ECT2L: variants seen among roughly 807,000 people sequenced by gnomAD.
ECT2L encodes the protein epithelial cell transforming 2 like.
In ECT2L, 126 loss-of-function variants were observed where a neutral mutation model predicts 122.8. The observed-to-expected ratio is 1.03, with a 90% CI of 0.89 to 1.19. The LOEUF is 1.19. Among genes scored for constraint, ECT2L ranks in the 50% most tolerant of loss-of-function variants. The pLI is 0.00. For synonymous variants in ECT2L, 385 were observed against 381.8 expected, an observed-to-expected ratio of 1.01 and a Z score of -0.10; for missense variants, 1,012 against 1,064.1, an observed-to-expected ratio of 0.95 and a Z score of 0.68.
At chr6:138,808,058 GCA>G (rs149490489) in intron 1 of ECT2L, among the ~76,000 whole-genome samples, 1 of 150,328 alleles carries the variant, frequency 6.7e-6, no homozygotes. Context: ...ACACAGCCAT[GCA>G]CACACACACA....
At chr6:138,830,949 T>C (rs976861380) in intron 4 of ECT2L, among the ~76,000 whole-genome samples, 1 of 152,238 alleles carries the variant, frequency 6.6e-6, no homozygotes, top group East Asian at 1.9e-4. Context: ...CCTAATTATA[T>C]ATCCAGCTGC....
intron 1 of ECT2L, among the ~76,000 whole-genome samples, chr6:138,805,676 G>T (rs1330436894): frequency 6.6e-6 from 1 of 152,040 alleles, no homozygotes; most frequent in Non-Finnish European, 1.5e-5. Flanking sequence ...AAACAGCTGG[G>T]GGCTGGCTCA....
chr6:138,811,416 T>C (rs1189648628), intron 1 of ECT2L, among the ~76,000 whole-genome samples: 1 of 152,238 alleles, frequency 6.6e-6, no homozygotes, highest in Non-Finnish European at 1.5e-5. Flanking sequence ...GTACTGGTTA[T>C]GAACTGAGAT....
At chr6:138,894,614 G>T (rs930212130) in intron 20 of ECT2L, among the ~76,000 whole-genome samples, 3 of 152,152 alleles carry the variant, frequency 2.0e-5, no homozygotes, top group Non-Finnish European at 2.9e-5. Context: ...ATCCATGCTT[G>T]CCTAGGGCAA....
rs1778841823 is a variant in ECT2L, at chr6:138,886,892, A to G, written c.2295A>G (p.Ser765=). ...ACATCACTATGAAGGATCATCTGTC[A>G]GATATACAGAGAATCATCTGGGGAT... ...KQNITMKDHL[S]DIQRIIWGCP... Residue 765 remains serine, a synonymous_variant, in exon 19 of 22, where the codon TCA becomes TCG. Coordinates refer to ENST00000541398, the MANE Select transcript of ECT2L (RefSeq NM_001077706.3). 1 of 1,613,516 alleles carries G rather than the reference A, an allele frequency of 6.2e-7. No individual in the cohort carries two copies. The highest frequency in any genetic ancestry group is 1.3e-5 in the African/African-American group (1 of 74,918).
At chr6:138,799,094 G>T (rs1345476822) in intron 1 of ECT2L, among the ~76,000 whole-genome samples, 1 of 152,162 alleles carries the variant, frequency 6.6e-6, no homozygotes, top group African/African-American at 2.4e-5. Flanking sequence ...TTCACGAATC[G>T]TCCATTGCTC....
intron 4 of ECT2L, 49 bp from the exon 5 acceptor site, chr6:138,838,303 G>A: frequency 6.8e-7 from 1 of 1,475,690 alleles, no homozygotes; most frequent in South Asian, 1.4e-5. Context: ...TGACTTTTTA[G>A]TAAATTTTAG....
rs774813249 is a variant in ECT2L at position 138,876,570 on chromosome 6, T to C, written c.1665+12T>C. 1.2e-5 allele frequency: 18 copies of C among 1,563,512 alleles called. No individual in the cohort carries two copies. The highest frequency in any genetic ancestry group is 1.7e-5 in the Admixed American group (1 of 58,044). ...CACTGATTAATCTGGTAAGCTATTA[T>C]ATAATGTAACTTTACCATTGGTTTT... is the stretch of plus-strand genomic sequence containing the variant. On this transcript the variant is annotated intron_variant, in intron 14 of 21. Coordinates refer to ENST00000541398, the MANE Select transcript of ECT2L (RefSeq NM_001077706.3).
At chr6:138,859,607 T>A (rs9495273) in intron 10 of ECT2L, among the ~76,000 whole-genome samples, 8,638 of 152,252 alleles carry the variant, frequency 0.057, 840 homozygotes, top group African/African-American at 0.19. Flanking sequence ...ATTGCAGTTT[T>A]AATTTGCATT....
chr6:138,834,406 T>C (rs1344417430), intron 4 of ECT2L, among the ~76,000 whole-genome samples: 1 of 152,210 alleles, frequency 6.6e-6, no homozygotes, highest in African/African-American at 2.4e-5. Context: ...CGTGTCCTTG[T>C]AGCAGCATAG....
intron 8 of ECT2L, among the ~76,000 whole-genome samples, chr6:138,847,300 G>T (rs1040791752): frequency 6.8e-5 from 9 of 132,104 alleles, no homozygotes; most frequent in Admixed American, 4.7e-4. Context: ...AACCCCAGAA[G>T]CAATAAAGGT....
rs559530134 is a variant in ECT2L at position 138,827,965 on chromosome 6, C to T, written c.180-10387C>T. Among the ~76,000 whole-genome samples the T allele has an allele frequency of 1.7e-3, 263 of 151,196 alleles. 1 individual carries two copies. Among genetic ancestry groups the T allele is most frequent in the African/African-American group, 6.0e-3 (247 of 41,176 alleles). Reference sequence around the variant, plus strand: ...CTATTTTTTTTTTATACTTTAAGTTCTAGGGTACATGTGCACAACGTGCAG... The same window carrying T: ...CTATTTTTTTTTTATACTTTAAGTTTTAGGGTACATGTGCACAACGTGCAG... On this transcript the variant is annotated intron_variant, in intron 4 of 21. Coordinates refer to ENST00000541398, the MANE Select transcript of ECT2L (RefSeq NM_001077706.3).
chr6:138,878,330 CACATACATAT>C (rs1316269093), intron 14 of ECT2L, among the ~76,000 whole-genome samples: 2 of 151,386 alleles, frequency 1.3e-5, no homozygotes, highest in Non-Finnish European at 2.9e-5. Flanking sequence ...CACACACACA[CACATACATAT>C]ATACATATAT....
chr6:138,859,978 A>G (rs911358774), intron 10 of ECT2L, among the ~76,000 whole-genome samples: 1 of 151,890 alleles, frequency 6.6e-6, no homozygotes, highest in African/African-American at 2.4e-5. Context: ...GCCCGCCACC[A>G]TGCCCGGCTA....
At chr6:138,886,745 A>G in intron 18 of ECT2L, 112 bp from the exon 19 acceptor site, 1 of 776,752 alleles carries the variant, frequency 1.3e-6, no homozygotes, top group South Asian at 1.6e-5. Flanking sequence ...CTATTATAAC[A>G]TATGAAAATA....
intron 14 of ECT2L, among the ~76,000 whole-genome samples, chr6:138,879,931 A>T (rs1188860): frequency 2.0e-5 from 3 of 151,704 alleles, no homozygotes; most frequent in African/African-American, 7.3e-5. Context: ...CCAGCCTGGA[A>T]AAGAGAGTAA....
chr6:138,839,364 CTTTT>C (rs11325945), intron 5 of ECT2L, among the ~76,000 whole-genome samples: 1 of 147,614 alleles, frequency 6.8e-6, no homozygotes, highest in African/African-American at 2.5e-5. Context: ...TAAACACATA[CTTTT>C]TTTTTTTTTT....
chr6:138,853,924 G>C, intron 9 of ECT2L, 102 bp from the exon 10 acceptor site: 1 of 1,343,518 alleles, frequency 7.4e-7, no homozygotes, highest in East Asian at 2.3e-5. Flanking sequence ...CTTGCAGGCA[G>C]ATGGCATTTT....
intron 4 of ECT2L, among the ~76,000 whole-genome samples, chr6:138,831,874 G>C (rs1776658971): frequency 2.0e-5 from 3 of 152,112 alleles, no homozygotes; most frequent in Non-Finnish European, 4.4e-5. Flanking sequence ...TTTGAGAAGA[G>C]ATATTCAAAT....
Sources: gnomAD v4.1 joint callset for allele counts (sites outside exome capture counted in the v4.1 genomes callset) on GRCh38, gnomAD v4.1.1 for gene constraint, MANE v1.5 for transcripts, NCBI Gene and HGNC (gene_info 2026-07-23, HGNC 2026-07-21) for gene names.